The following LMNA variants were observed in gnomAD, a reference collection of about 807,000 sequenced individuals.
LMNA encodes lamin.
In LMNA, 20 loss-of-function variants were observed where a neutral mutation model predicts 70.4. The ratio of observed to expected loss-of-function variants is 0.28; its 90% CI spans 0.20 to 0.41. The LOEUF (loss-of-function observed/expected upper bound fraction) is 0.41. Ranked by LOEUF, LMNA falls within the 10% of genes least tolerant of loss-of-function variation. The pLI is 1.00. For synonymous variants in LMNA, 339 were observed against 372.8 expected (o/e 0.91, Z 1.04); for missense variants, 652 against 917.2 (o/e 0.71, Z 3.73).
chr1:156,083,538 C>T (rs1648353404), intron 2 of LMNA: 1 of 152,660 alleles, frequency 6.6e-6, no homozygotes, highest in African/African-American at 2.4e-5. Context: ...CGCGGTGGCT[C>T]ACGCCTGTAA....
chr1:156,101,170 A>G (rs1229444300), intron 3 of LMNA, among the ~76,000 whole-genome samples: 1 of 152,138 alleles, frequency 6.6e-6, no homozygotes, highest in Non-Finnish European at 1.5e-5. Flanking sequence ...TCTTCTGGAA[A>G]CAAAATGAGG....
rs781684338 is a variant in LMNA at position 156,114,956 on chromosome 1, G to C, written c.38G>C (p.Gly13Ala). The change falls in exon 1 of 12, where the codon GGG (glycine) becomes GCG (alanine). Residue 13 changes from glycine (G) to alanine (A), a missense_variant. This residue lies in a region of LMNA where 254 missense variants were observed against 421.9 expected (regional missense o/e 0.60). Coordinates refer to ENST00000368300, the MANE Select transcript of LMNA (RefSeq NM_170707.4). ...TCCCAGCGGCGCGCCACCCGCAGCG[G>C]GGCGCAGGCCAGCTCCACTCCGCTG... ...TPSQRRATRS[G>A]AQASSTPLSP... 6.3e-7 allele frequency: 1 copy of C among 1,578,562 alleles called. No individual in the cohort carries two copies. Among genetic ancestry groups the C allele is most frequent in the Non-Finnish European group, 8.6e-7 (1 of 1,162,182 alleles).
At position 156,135,374 on chromosome 1, in the gene LMNA, A is replaced by C; in HGVS notation, c.936+62A>C. 6 of 739,094 alleles carry C rather than the reference A, an allele frequency of 8.1e-6. No homozygotes were observed. The highest frequency in any genetic ancestry group is 5.7e-5 in the East Asian group (1 of 17,402). 45.8% of individuals were successfully genotyped at this position (739,094 alleles called of 1,614,324 possible). On this transcript the variant is annotated intron_variant, in intron 5 of 11. Coordinates refer to ENST00000368300, the MANE Select transcript of LMNA (RefSeq NM_170707.4). This position sits in a 1 kb window ranked among gnomAD's most constrained non-coding sequence, Gnocchi z 4.8. ...GAGTCTGGGCCGGATGCAGGCTGGA[A>C]GCCCAGGGTTGGGGGTGGGGGTGGG...
intron 1 of LMNA, among the ~76,000 whole-genome samples, chr1:156,118,413 G>A (rs924003834): frequency 1.3e-5 from 2 of 152,172 alleles, no homozygotes; most frequent in Non-Finnish European, 2.9e-5. Context: ...GGGTATGTGC[G>A]CATGTGGGGC....
At chr1:156,106,351 G>A (rs1236532966) in intron 3 of LMNA, among the ~76,000 whole-genome samples, 1 of 152,238 alleles carries the variant, frequency 6.6e-6, no homozygotes, top group Non-Finnish European at 1.5e-5. Flanking sequence ...CAGTCCTGGA[G>A]TTGTGGCGCT....
At position 156,139,926 on chromosome 1, in the gene LMNA, AG is replaced by A; in HGVS notation, c.*824del. The A allele has an allele frequency of 1.6e-6, 2 of 1,255,866 alleles. No homozygotes were observed. Among genetic ancestry groups the A allele is most frequent in the Non-Finnish European group, 2.1e-6 (2 of 940,838 alleles). 77.8% of individuals were successfully genotyped at this position (1,255,866 alleles called of 1,614,324 possible). A position where few individuals can be genotyped will look rare whatever the true frequency, so the allele number is the denominator to read the frequency against. ...AGGAGGGAGAGGGAGGTCACTGGAAAGGGGAGAGCCTGCTGGCACCCACCGT... is the reference window on the plus strand; with the variant it reads ...AGGAGGGAGAGGGAGGTCACTGGAAAGGGAGAGCCTGCTGGCACCCACCGT... On this transcript the variant is annotated 3_prime_UTR_variant, in exon 12 of 12. Transcript: ENST00000368300.
At chr1:156,100,480 G>C (rs1649104093) in intron 3 of LMNA, among the ~76,000 whole-genome samples, 1 of 152,084 alleles carries the variant, frequency 6.6e-6, no homozygotes, top group African/African-American at 2.4e-5. Context: ...GCCTAGAACA[G>C]GTCCTGACAC....
rs1230001527 is a variant in LMNA at position 156,137,805 on chromosome 1, C to T, written c.1698+62C>T. The T allele has an allele frequency of 6.5e-7, 1 of 1,546,484 alleles. No homozygotes were observed. On this transcript the variant is annotated intron_variant, in intron 10 of 11. Transcript: ENST00000368300. This position sits in a 1 kb window ranked among gnomAD's most constrained non-coding sequence, Gnocchi z 4.6. ...GGGGCCACCCAGCCAGGCCTGGGGG[C>T]AGCCTCTCCCCAGCCTCCCCGTGCC...
chr1:156,094,461 C>A (rs1648833395), intron 3 of LMNA, among the ~76,000 whole-genome samples: 1 of 152,032 alleles, frequency 6.6e-6, no homozygotes, highest in Non-Finnish European at 1.5e-5. Context: ...GCCTCAGCCT[C>A]CCGAGTAGCT....
intron 1 of LMNA, chr1:156,126,733 C>T: frequency 6.4e-6 from 10 of 1,562,976 alleles, no homozygotes; most frequent in Middle Eastern, 1.7e-4. Flanking sequence ...TTTCTGAGAT[C>T]AGATTTGCCA....
At chr1:156,121,755 G>C (rs1016870876) in intron 1 of LMNA, among the ~76,000 whole-genome samples, 3 of 151,946 alleles carry the variant, frequency 2.0e-5, no homozygotes, top group Non-Finnish European at 4.4e-5. Context: ...CACAAGGGCA[G>C]GGTTCATTCC....
At chr1:156,095,475 A>T (rs982201051) in intron 3 of LMNA, among the ~76,000 whole-genome samples, 25 of 150,432 alleles carry the variant, frequency 1.7e-4, no homozygotes, top group African/African-American at 6.1e-4. Flanking sequence ...AGTAGCTAGG[A>T]TTACAGGCAC....
In LMNA at chr1:156,134,655, TG is replaced by T; in HGVS notation, c.639+132del. The T allele has an allele frequency of 1.3e-6, 2 of 1,537,958 alleles. No homozygotes were observed. The highest frequency in any genetic ancestry group is 1.1e-5 in the South Asian group (1 of 88,590). ...TCCCTTGCCCTAGTGGACAGGGAGT[TG>T]GGGGTGGCCAGCACTCAGCTCCCAG... On this transcript the variant is annotated intron_variant, in intron 3 of 11. Coordinates refer to ENST00000368300, the MANE Select transcript of LMNA (RefSeq NM_170707.4). The surrounding 1 kb of genome is among the most constrained non-coding windows in gnomAD (Gnocchi z 5.3).
rs529613393 is a variant in LMNA, at chr1:156,136,696, T to C, written c.1381-225T>C. On this transcript the variant is annotated intron_variant, in intron 7 of 11. Transcript: ENST00000368300. This position sits in a 1 kb window ranked among gnomAD's most constrained non-coding sequence, Gnocchi z 6.1. ...GGATGAATACTGATCCCTAAGTCTT[T>C]GAGTTGTCAGGAAGATGAAAGATAA... 8.9e-6 allele frequency: 6 copies of C among 670,512 alleles called. No individual in the cohort carries two copies. The South Asian group carries it at 1.0e-4, about 11-fold the overall frequency. 41.5% of individuals were successfully genotyped at this position (670,512 alleles called of 1,614,324 possible).
At position 156,115,342 on chromosome 1, in the gene LMNA, C is replaced by A. The variant is rs1409214844; in HGVS notation, c.356+68C>A. The A allele has an allele frequency of 7.0e-7, 1 of 1,426,210 alleles. No homozygotes were observed. Among genetic ancestry groups the A allele is most frequent in the South Asian group, 1.2e-5 (1 of 82,184 alleles). 88.3% of individuals were successfully genotyped at this position (1,426,210 alleles called of 1,614,324 possible). On this transcript the variant is annotated intron_variant, in intron 1 of 11. Coordinates refer to ENST00000368300, the MANE Select transcript of LMNA (RefSeq NM_170707.4). The surrounding 1 kb of genome is among the most constrained non-coding windows in gnomAD (Gnocchi z 5.8). The stretch of plus-strand genomic sequence containing the variant: ...AGGGCGGCGGGCCGGCGCCCCTGGC[C>A]GGCCGCAGGAAGGGAGTGAGAGGGC...
intron 1 of LMNA, among the ~76,000 whole-genome samples, chr1:156,117,925 C>G (rs1053941851): frequency 9.3e-5 from 14 of 151,198 alleles, no homozygotes; most frequent in Non-Finnish European, 1.8e-4. Context: ...GTCTCACCTT[C>G]CGGAATAGCT....
intron 3 of LMNA, among the ~76,000 whole-genome samples, chr1:156,094,511 G>GT (rs2102792991): frequency 6.6e-6 from 1 of 151,510 alleles, no homozygotes; most frequent in East Asian, 2.0e-4. Context: ...GCTAATTTTT[G>GT]TATTTTTAGT....
Position 156,126,117 on chromosome 1 carries a change from A to AG in LMNA, c.357-4495dup. The AG allele has an allele frequency of 6.8e-6, 10 of 1,466,528 alleles. No individual in the cohort carries two copies. In the South Asian group the frequency reaches 1.0e-4, roughly 15 times the overall value. 90.8% of individuals were successfully genotyped at this position (1,466,528 alleles called of 1,614,324 possible). On this transcript the variant is annotated intron_variant, in intron 1 of 11. Coordinates refer to ENST00000368300, the MANE Select transcript of LMNA (RefSeq NM_170707.4). Reference sequence around the variant, plus strand: ...GGACTCCCTGTACCCACCCGGCCACAGGGGGCGATGTTCCTGGGAGACAGG... The same window carrying AG: ...GGACTCCCTGTACCCACCCGGCCACAGGGGGGCGATGTTCCTGGGAGACAGG...
chr1:156,108,654 T>G (rs1421912644), intron 3 of LMNA, among the ~76,000 whole-genome samples: 3 of 151,974 alleles, frequency 2.0e-5, no homozygotes, highest in Non-Finnish European at 4.4e-5. Context: ...TAGTCCCAGC[T>G]ACTCGGGAGG....
Sources: allele counts gnomAD v4.1 joint callset (sites outside exome capture counted in the v4.1 genomes callset), GRCh38; gene constraint gnomAD v4.1.1; regional missense constraint gnomAD v4.1.1; non-coding constraint Gnocchi (gnomAD v3.1); transcripts MANE v1.5; gene names NCBI Gene and HGNC (gene_info 2026-07-23, HGNC 2026-07-21).